KLRG1: variants seen among roughly 807,000 people sequenced by gnomAD.
KLRG1 encodes killer cell lectin-like receptor subfamily G member 1.
KLRG1 carries 16 observed loss-of-function variants against 21.8 expected under a neutral mutation model. The ratio of observed to expected loss-of-function variants is 0.73; its 90% CI spans 0.50 to 1.11. KLRG1 has a LOEUF of 1.11. KLRG1 is among the 50% of genes most tolerant of loss of function. The pLI is 0.00. For missense variants in KLRG1, 173 were observed against 218.3 expected (o/e 0.79, Z 1.31); for synonymous variants, 69 against 75.9 (o/e 0.91, Z 0.47).
At chr12:8,956,077 C>T (rs1286724004) in intron 1 of KLRG1, among the ~76,000 whole-genome samples, 8 of 152,318 alleles carry the variant, frequency 5.3e-5, no homozygotes, top group African/African-American at 7.2e-5. Flanking sequence ...GCTGAATAAA[C>T]GTCCTCTCTG....
At chr12:9,199,162 C>T in the KLRG1 span, among the ~76,000 whole-genome samples, 1 of 152,190 alleles carries the variant, frequency 6.6e-6, no homozygotes, top group Admixed American at 6.5e-5. Context: ...GCACACTCAT[C>T]ACTGCCGATT....
intron 1 of KLRG1, among the ~76,000 whole-genome samples, chr12:8,962,826 G>T (rs1946403320): frequency 6.6e-6 from 1 of 152,106 alleles, no homozygotes; most frequent in Non-Finnish European, 1.5e-5. Context: ...CAGAGCTTCA[G>T]TGACCTGTGG....
the KLRG1 span, among the ~76,000 whole-genome samples, chr12:9,074,365 G>A: frequency 0.52 from 78,921 of 151,914 alleles, 21,133 homozygotes; most frequent in Non-Finnish European, 0.55. Flanking sequence ...GGGGTGCCGG[G>A]ATTCTGAGCA....
the KLRG1 span, among the ~76,000 whole-genome samples, chr12:9,096,153 G>A: frequency 6.6e-6 from 1 of 151,858 alleles, no homozygotes; most frequent in South Asian, 2.1e-4. Flanking sequence ...ATTTATAGAG[G>A]GTATGGATCA....
chr12:9,129,679 C>G, the KLRG1 span, among the ~76,000 whole-genome samples: 1 of 152,046 alleles, frequency 6.6e-6, no homozygotes, highest in East Asian at 1.9e-4. Context: ...TCAGGAGTAG[C>G]TGGGACTACA....
chr12:9,127,027 T>C, the KLRG1 span, among the ~76,000 whole-genome samples: 1 of 152,208 alleles, frequency 6.6e-6, no homozygotes, highest in Admixed American at 6.5e-5. Context: ...AGGCGGTCTG[T>C]CATGGACACA....
the KLRG1 span, chr12:9,079,295 C>T: frequency 6.2e-7 from 1 of 1,613,538 alleles, no homozygotes; most frequent in East Asian, 2.2e-5. Context: ...GCTGTAGGAG[C>T]CATCATAGTG....
At chr12:9,040,177 C>T in the KLRG1 span, among the ~76,000 whole-genome samples, 2 of 152,200 alleles carry the variant, frequency 1.3e-5, no homozygotes, top group East Asian at 3.8e-4. Context: ...GGTCCATAAT[C>T]ATGAATATAT....
intron 1 of KLRG1, among the ~76,000 whole-genome samples, chr12:8,968,829 A>C (rs1400672641): frequency 6.6e-6 from 1 of 152,172 alleles, no homozygotes; most frequent in Non-Finnish European, 1.5e-5. Flanking sequence ...AAATATTTGA[A>C]AATTAACAGT....
chr12:9,203,810 G>C, the KLRG1 span: 1 of 1,614,006 alleles, frequency 6.2e-7, no homozygotes, highest in African/African-American at 1.3e-5. Context: ...CCGCCACCAG[G>C]TCAGTGAAGA....
At chr12:9,055,238 A>T in the KLRG1 span, among the ~76,000 whole-genome samples, 1 of 152,238 alleles carries the variant, frequency 6.6e-6, no homozygotes, top group African/African-American at 2.4e-5. Flanking sequence ...CCTTTCTGCA[A>T]TACGGAGCTT....
At chr12:9,074,464 A>G in the KLRG1 span, 2 of 1,187,530 alleles carry the variant, frequency 1.7e-6, no homozygotes, top group South Asian at 1.5e-5. Flanking sequence ...AGTTACTGTC[A>G]TCTGTATTTT....
At chr12:9,161,198 C>CTCTG in the KLRG1 span, 8 of 1,148,822 alleles carry the variant, frequency 7.0e-6, no homozygotes, top group South Asian at 9.1e-5. Context: ...GTGAGAGCTT[C>CTCTG]AGAGCCACAC....
chr12:9,034,243 T>C, the KLRG1 span, among the ~76,000 whole-genome samples: 1 of 152,246 alleles, frequency 6.6e-6, no homozygotes, highest in South Asian at 2.1e-4. Context: ...AGTGACATCC[T>C]ATCTCTAGGG....
intron 2 of KLRG1, 137 bp from the exon 3 acceptor site, chr12:8,994,982 C>T: frequency 6.0e-6 from 4 of 662,996 alleles, no homozygotes; most frequent in Non-Finnish European, 9.8e-6. Context: ...CGCATTGTTA[C>T]ACATTTCTCT....
At chr12:9,148,980 T>G in the KLRG1 span, 1 of 1,611,206 alleles carries the variant, frequency 6.2e-7, no homozygotes, top group South Asian at 1.1e-5. Context: ...CCTCAAACAT[T>G]TCCATGCTCT....
chr12:9,032,797 C>CA, the KLRG1 span, among the ~76,000 whole-genome samples: 1 of 152,152 alleles, frequency 6.6e-6, no homozygotes, highest in South Asian at 2.1e-4. Flanking sequence ...ACCTGCAACT[C>CA]ATGAGTCAAT....
chr12:9,107,857 ATT>A, the KLRG1 span, among the ~76,000 whole-genome samples: 1 of 151,652 alleles, frequency 6.6e-6, no homozygotes, highest in East Asian at 1.9e-4. Context: ...TTCTTTTATC[ATT>A]TCTTTTTTTT....
intron 1 of KLRG1, among the ~76,000 whole-genome samples, chr12:8,981,834 A>G (rs1028034305): frequency 1.2e-4 from 18 of 152,182 alleles, no homozygotes; most frequent in Non-Finnish European, 1.3e-4. Context: ...AAGGTTTTTA[A>G]AATATCCAAC....
Sources: gnomAD v4.1 joint callset for allele counts (sites outside exome capture counted in the v4.1 genomes callset) on GRCh38, gnomAD v4.1.1 for gene constraint, MANE v1.5 for transcripts, NCBI Gene and HGNC (gene_info 2026-07-23, HGNC 2026-07-21) for gene names.